The following INPP4B variants were observed in gnomAD, a reference collection of about 807,000 sequenced individuals.
The protein encoded by INPP4B is inositol polyphosphate-4-phosphatase type II B, also known as inositol polyphosphate 4-phosphatase type II.
In INPP4B, 55 loss-of-function variants were observed where a neutral mutation model predicts 122.5. That is an observed-to-expected ratio of 0.45 (90% CI 0.36 to 0.56). The LOEUF (loss-of-function observed/expected upper bound fraction) is 0.56. Ranked by LOEUF, INPP4B falls within the 20% of genes least tolerant of loss-of-function variation. The pLI is 0.00. For synonymous variants in INPP4B, 403 were observed against 388.7 expected (o/e 1.04, Z -0.43); for missense variants, 1,000 against 1,097.7 (o/e 0.91, Z 1.26).
At chr4:142,293,946 G>A (rs747510053) in intron 9 of INPP4B, among the ~76,000 whole-genome samples, 4 of 152,190 alleles carry the variant, frequency 2.6e-5, no homozygotes, top group Non-Finnish European at 4.4e-5. Flanking sequence ...GAAAAAGAAA[G>A]TTAAAATACC....
intron 2 of INPP4B, among the ~76,000 whole-genome samples, chr4:142,596,673 TAAC>T (rs572483297): frequency 6.0e-4 from 91 of 152,348 alleles, no homozygotes; most frequent in African/African-American, 2.1e-3. Flanking sequence ...TGTAGTTTAA[TAAC>T]AACAATAAAG....
intron 2 of INPP4B, chr4:142,566,336 A>G (rs1731619277): frequency 6.6e-6 from 1 of 152,198 alleles, no homozygotes; most frequent in African/African-American, 2.4e-5. Flanking sequence ...GAAAGTTAAC[A>G]CAGAAATAAT....
chr4:142,238,186 T>C (rs532998791), intron 11 of INPP4B, among the ~76,000 whole-genome samples, 175 bp from the exon 12 acceptor site: 2 of 152,134 alleles, frequency 1.3e-5, no homozygotes, highest in Admixed American at 1.3e-4. Context: ...TTTATTTTGA[T>C]TAGTGTATCT....
intron 17 of INPP4B, among the ~76,000 whole-genome samples, chr4:142,159,590 T>A (rs1008789331): frequency 2.0e-5 from 3 of 151,966 alleles, no homozygotes; most frequent in African/African-American, 7.2e-5. Flanking sequence ...AGCACACTAT[T>A]TTTTTTGTTA....
intron 1 of INPP4B, among the ~76,000 whole-genome samples, chr4:142,798,793 A>G (rs1345647274): frequency 6.6e-6 from 1 of 151,808 alleles, no homozygotes; most frequent in Admixed American, 6.6e-5. Flanking sequence ...TTATTTATTT[A>G]AAGTATATAT....
chr4:142,123,271 T>G, intron 20 of INPP4B, 21 bp downstream of exon 20: 2 of 1,533,262 alleles, frequency 1.3e-6, no homozygotes, highest in Non-Finnish European at 1.8e-6. Context: ...TGATTTTAAC[T>G]TGTACTAAAG....
chr4:142,807,534 C>T (rs1779010518), intron 1 of INPP4B, among the ~76,000 whole-genome samples: 1 of 152,090 alleles, frequency 6.6e-6, no homozygotes, highest in Non-Finnish European at 1.5e-5. Flanking sequence ...GATGTGGAGC[C>T]AGAATATCTA....
At chr4:142,041,207 T>C (rs1304369992) in intron 25 of INPP4B, among the ~76,000 whole-genome samples, 1 of 152,146 alleles carries the variant, frequency 6.6e-6, no homozygotes, top group African/African-American at 2.4e-5. Context: ...CTCCATTAAG[T>C]CTGAAGTTCT....
intron 2 of INPP4B, among the ~76,000 whole-genome samples, chr4:142,704,086 T>A (rs1762158906): frequency 6.6e-6 from 1 of 152,082 alleles, no homozygotes; most frequent in Non-Finnish European, 1.5e-5. Flanking sequence ...ACTCAAGGCC[T>A]CACCAGCAAC....
chr4:142,369,931 CAAAAAA>C (rs11422223), intron 7 of INPP4B, among the ~76,000 whole-genome samples: 294 of 94,562 alleles, frequency 3.1e-3, no homozygotes, highest in African/African-American at 0.012. Flanking sequence ...GACTCCATCT[CAAAAAA>C]AAAAAAAAAA....
intron 3 of INPP4B, among the ~76,000 whole-genome samples, chr4:142,434,455 T>A (rs1373346498): frequency 6.6e-6 from 1 of 152,116 alleles, no homozygotes; most frequent in African/African-American, 2.4e-5. Context: ...ACATTGAACT[T>A]TCTACCGGGG....
intron 9 of INPP4B, among the ~76,000 whole-genome samples, chr4:142,284,283 A>T (rs903634382): frequency 6.6e-6 from 1 of 152,152 alleles, no homozygotes; most frequent in African/African-American, 2.4e-5. Flanking sequence ...GATACACATG[A>T]TCTAGCAGAG....
At chr4:142,225,099 T>C (rs1579347664) in intron 12 of INPP4B, among the ~76,000 whole-genome samples, 1 of 152,056 alleles carries the variant, frequency 6.6e-6, no homozygotes, top group Non-Finnish European at 1.5e-5. Context: ...ATAATGTGGG[T>C]GGGCACCATC....
intron 2 of INPP4B, among the ~76,000 whole-genome samples, chr4:142,646,646 AG>A: frequency 6.6e-6 from 1 of 152,378 alleles, no homozygotes; most frequent in Non-Finnish European, 1.5e-5. Flanking sequence ...CACCAATGAA[AG>A]CATAAACCAA....
chr4:142,779,677 C>A (rs1287418455), intron 1 of INPP4B, among the ~76,000 whole-genome samples: 1 of 151,978 alleles, frequency 6.6e-6, no homozygotes, highest in African/African-American at 2.4e-5. Context: ...GGTTCTTGTT[C>A]CATCTAAGAG....
At chr4:142,721,007 A>T (rs1217906549) in intron 2 of INPP4B, among the ~76,000 whole-genome samples, 2 of 149,360 alleles carry the variant, frequency 1.3e-5, no homozygotes, top group African/African-American at 4.9e-5. Flanking sequence ...GTACTTGCAA[A>T]ATCTAGTGGA....
intron 1 of INPP4B, among the ~76,000 whole-genome samples, chr4:142,802,513 C>G (rs1463622111): frequency 1.3e-5 from 2 of 152,114 alleles, no homozygotes; most frequent in African/African-American, 4.8e-5. Context: ...CCTGGAATCC[C>G]CTATCCACTC....
chr4:142,567,335 GC>G (rs1450477966), intron 2 of INPP4B, among the ~76,000 whole-genome samples: 1 of 152,186 alleles, frequency 6.6e-6, no homozygotes, highest in East Asian at 1.9e-4. Flanking sequence ...CGAGAGCACA[GC>G]TGCCCTGACA....
chr4:142,218,973 T>C (rs1848368940), intron 12 of INPP4B, among the ~76,000 whole-genome samples: 1 of 152,212 alleles, frequency 6.6e-6, no homozygotes, highest in Non-Finnish European at 1.5e-5. Context: ...ATATTCAGCC[T>C]ACAATTCAAA....
Sources: gnomAD v4.1 joint callset for allele counts (sites outside exome capture counted in the v4.1 genomes callset) on GRCh38, gnomAD v4.1.1 for gene constraint, MANE v1.5 for transcripts, NCBI Gene and HGNC (gene_info 2026-07-23, HGNC 2026-07-21) for gene names.